The following CSMD1 variants were observed in gnomAD, a reference collection of about 807,000 sequenced individuals.
CSMD1 encodes CUB and Sushi multiple domains 1.
CSMD1 carries 213 observed loss-of-function variants against 417.5 expected under a neutral mutation model. The observed-to-expected ratio is 0.51, with a 90% CI of 0.46 to 0.57. The LOEUF is 0.57. CSMD1 is among the 20% of genes least tolerant of loss of function. CSMD1 has a pLI of 0.00. For synonymous variants in CSMD1, 2,862 were observed against 1,736.8 expected (o/e 1.65, Z -16.11); for missense variants, 6,923 against 4,529.7 (o/e 1.53, Z -15.17).
At chr8:4,433,846 G>A (rs1001075261) in intron 2 of CSMD1, among the ~76,000 whole-genome samples, 1 of 151,068 alleles carries the variant, frequency 6.6e-6, no homozygotes, top group African/African-American at 2.4e-5. Context: ...AGGGAAAAAA[G>A]ACTGGAATCT....
At chr8:3,322,044 T>C (rs1416897285) in intron 23 of CSMD1, among the ~76,000 whole-genome samples, 2 of 152,178 alleles carry the variant, frequency 1.3e-5, no homozygotes. Flanking sequence ...GTGACGTATT[T>C]ACATAATAAA....
At chr8:4,757,405 A>G (rs1326002344) in intron 1 of CSMD1, among the ~76,000 whole-genome samples, 2 of 152,190 alleles carry the variant, frequency 1.3e-5, no homozygotes, top group African/African-American at 2.4e-5. Flanking sequence ...GTTCATCTAT[A>G]CAATAGTCAC....
chr8:3,169,676 A>T (rs1401107232), intron 37 of CSMD1, among the ~76,000 whole-genome samples: 2 of 152,166 alleles, frequency 1.3e-5, no homozygotes, highest in Non-Finnish European at 1.5e-5. Context: ...TTTTTATCAC[A>T]ATAGAAAGGA....
At chr8:3,317,684 T>C (rs182930135) in intron 23 of CSMD1, among the ~76,000 whole-genome samples, 4 of 152,350 alleles carry the variant, frequency 2.6e-5, no homozygotes, top group Non-Finnish European at 5.9e-5. Context: ...TAATACTACG[T>C]TTATTTGGTA....
chr8:4,087,155 C>T (rs1800463610), intron 3 of CSMD1, among the ~76,000 whole-genome samples: 1 of 152,124 alleles, frequency 6.6e-6, no homozygotes, highest in South Asian at 2.1e-4. Context: ...GGAACAAAGA[C>T]CCACTCTTCT....
At chr8:4,421,692 G>C (rs1030314727) in intron 2 of CSMD1, among the ~76,000 whole-genome samples, 1 of 151,940 alleles carries the variant, frequency 6.6e-6, no homozygotes, top group African/African-American at 2.4e-5. Flanking sequence ...AAGCAGTGCT[G>C]AGAAGGTAAT....
chr8:4,020,256 G>C (rs1181914741), intron 4 of CSMD1, among the ~76,000 whole-genome samples: 1 of 152,180 alleles, frequency 6.6e-6, no homozygotes, highest in East Asian at 1.9e-4. Context: ...GTGTCCAATT[G>C]ACAGCACTGG....
intron 3 of CSMD1, among the ~76,000 whole-genome samples, chr8:4,268,978 A>G (rs911860578): frequency 2.6e-5 from 4 of 152,192 alleles, no homozygotes; most frequent in African/African-American, 4.8e-5. Context: ...TTTTCAATAT[A>G]TGAAACATTT....
intron 6 of CSMD1, among the ~76,000 whole-genome samples, chr8:3,743,426 G>A (rs773297238): frequency 6.6e-6 from 1 of 152,206 alleles, no homozygotes; most frequent in Non-Finnish European, 1.5e-5. Flanking sequence ...GATGGTGTTA[G>A]AAAATAATAA....
At chr8:3,695,862 A>T (rs985841707) in intron 7 of CSMD1, among the ~76,000 whole-genome samples, 1 of 152,154 alleles carries the variant, frequency 6.6e-6, no homozygotes. Context: ...AATTACCATT[A>T]TATTTTTTAC....
intron 2 of CSMD1, among the ~76,000 whole-genome samples, chr8:4,439,101 A>G (rs1409682377): frequency 6.6e-6 from 1 of 152,162 alleles, no homozygotes; most frequent in African/African-American, 2.4e-5. Flanking sequence ...TATATGGTTC[A>G]CACTAATCAA....
At chr8:3,683,640 T>C (rs1184760316) in intron 7 of CSMD1, among the ~76,000 whole-genome samples, 1 of 152,192 alleles carries the variant, frequency 6.6e-6, no homozygotes, top group Non-Finnish European at 1.5e-5. Context: ...TGCATACTCT[T>C]TTAATTTAAT....
At chr8:4,345,254 A>G (rs1056778992) in intron 3 of CSMD1, among the ~76,000 whole-genome samples, 5 of 152,152 alleles carry the variant, frequency 3.3e-5, no homozygotes, top group Non-Finnish European at 5.9e-5. Flanking sequence ...ATGGACATGA[A>G]AATTAGATAG....
intron 5 of CSMD1, among the ~76,000 whole-genome samples, chr8:3,870,959 T>C (rs1202609388): frequency 1.3e-5 from 2 of 151,892 alleles, no homozygotes; most frequent in South Asian, 2.1e-4. Flanking sequence ...AATTTTTGTT[T>C]TATATTCTTA....
chr8:4,913,467 C>A (rs1805839015), intron 1 of CSMD1, among the ~76,000 whole-genome samples: 1 of 152,092 alleles, frequency 6.6e-6, no homozygotes, highest in Non-Finnish European at 1.5e-5. Context: ...TGGCCATTGT[C>A]CATCAGCATC....
At chr8:4,072,894 A>C (rs549506153) in intron 3 of CSMD1, among the ~76,000 whole-genome samples, 19 of 152,312 alleles carry the variant, frequency 1.2e-4, no homozygotes, top group African/African-American at 4.6e-4. Flanking sequence ...ACAGTGGAAA[A>C]AGTCAAATCA....
chr8:3,008,419 C>T (rs908518950), intron 52 of CSMD1, among the ~76,000 whole-genome samples: 3 of 152,228 alleles, frequency 2.0e-5, no homozygotes, highest in African/African-American at 7.2e-5. Flanking sequence ...TAGAATTCAA[C>T]ACGGGAGAGC....
chr8:4,243,199 A>G (rs1436996760), intron 3 of CSMD1, among the ~76,000 whole-genome samples: 1 of 152,126 alleles, frequency 6.6e-6, no homozygotes, highest in Non-Finnish European at 1.5e-5. Context: ...TGAGGAGGAC[A>G]TGGCAGAGCG....
chr8:3,766,467 C>G (rs1202180004), intron 5 of CSMD1, among the ~76,000 whole-genome samples: 2 of 152,146 alleles, frequency 1.3e-5, no homozygotes, highest in African/African-American at 4.8e-5. Flanking sequence ...GCCTCTCAGG[C>G]TTGCCAACAC....
Sources: gnomAD v4.1 joint callset for allele counts (sites outside exome capture counted in the v4.1 genomes callset) on GRCh38, gnomAD v4.1.1 for gene constraint, MANE v1.5 for transcripts, NCBI Gene and HGNC (gene_info 2026-07-23, HGNC 2026-07-21) for gene names.